UVSSA: variants seen among roughly 807,000 people sequenced by gnomAD.
UVSSA encodes UV stimulated scaffold protein A.
A neutral mutation model predicts 73.9 loss-of-function variants in UVSSA; 72 were observed. The observed-to-expected ratio is 0.97, with a 90% confidence interval of 0.81 to 1.19. The LOEUF (loss-of-function observed/expected upper bound fraction) is 1.19, where lower values mean the gene tolerates loss of function less well. Among genes scored for constraint, UVSSA ranks in the 50% most tolerant of loss-of-function variants. UVSSA has a pLI of 0.00. For synonymous variants in UVSSA, 454 were observed against 391.3 expected, an observed-to-expected ratio of 1.16 and a Z score of -1.89; for missense variants, 1,150 against 965.0, an observed-to-expected ratio of 1.19 and a Z score of -2.54.
chr4:1,344,274 G>C (rs532701494), upstream of UVSSA, among the ~76,000 whole-genome samples: 1 of 152,238 alleles, frequency 6.6e-6, no homozygotes, highest in Admixed American at 6.5e-5. Flanking sequence ...TTCTTGGCTT[G>C]GTGCAGTGGC....
intron 4 of UVSSA, among the ~76,000 whole-genome samples, 180 bp from the exon 5 acceptor site, chr4:1,352,850 C>T (rs570186202): frequency 4.3e-4 from 66 of 152,338 alleles, no homozygotes; most frequent in African/African-American, 1.4e-3. Context: ...GAGGCTGAGG[C>T]GGCTGCACTA....
intron 7 of UVSSA, among the ~76,000 whole-genome samples, chr4:1,363,116 G>GC (rs56194411): frequency 0.51 from 77,791 of 151,644 alleles, 20,654 homozygotes; most frequent in African/African-American, 0.58. Flanking sequence ...GGTTTGAGGG[G>GC]TACCACGGCC....
rs1476210511 is a variant in UVSSA at position 1,387,279 on chromosome 4, T to C, written c.*1318T>C. The C allele has an allele frequency of 6.6e-6, 1 of 152,190 alleles. No individual in the cohort carries two copies. The highest frequency in any genetic ancestry group is 2.4e-5 in the African/African-American group (1 of 41,414). The allele number at this position is 152,190 out of a possible 1,614,324, so 9.4% of individuals were successfully genotyped here. The stretch of plus-strand genomic sequence containing the variant: ...TTTTAGTAGAGACGGGATTTCACTG[T>C]GTTGGCTGGGATGGTCTTGATCTCT... On this transcript the variant is annotated 3_prime_UTR_variant, in exon 14 of 14. Transcript: ENST00000389851.
chr4:1,375,147 AC>A (rs1288196738), intron 8 of UVSSA: 25 of 669,200 alleles, frequency 3.7e-5, no homozygotes, highest in Non-Finnish European at 3.8e-5. Flanking sequence ...GGACTGCCGG[AC>A]CCCCCGACGC....
exon 14 of UVSSA, chr4:1,395,812 A>G: frequency 1.2e-6 from 2 of 1,614,202 alleles, no homozygotes; most frequent in South Asian, 1.1e-5. Context: ...TTTTATGTCA[A>G]GGATCCCTTT....
At chr4:1,373,247 G>T (rs538805587) in intron 8 of UVSSA, among the ~76,000 whole-genome samples, 1 of 152,304 alleles carries the variant, frequency 6.6e-6, no homozygotes, top group South Asian at 2.1e-4. Flanking sequence ...CTAGGCTGAG[G>T]ATCAAGGAGA....
intron 13 of UVSSA, chr4:1,385,443 TC>T (rs1214413508): frequency 4.7e-6 from 1 of 213,558 alleles, no homozygotes; most frequent in Admixed American, 5.2e-5. Context: ...CCTCCAGGTT[TC>T]CAGCCCTGGC....
At chr4:1,384,110 C>A in intron 13 of UVSSA, 170 bp downstream of exon 13, 1 of 828,982 alleles carries the variant, frequency 1.2e-6, no homozygotes, top group Non-Finnish European at 1.8e-6. Context: ...AGGGGCAGTG[C>A]CAGCCAGCAG....
At chr4:1,379,522 C>T (rs1014816800) in intron 10 of UVSSA, among the ~76,000 whole-genome samples, 2 of 152,236 alleles carry the variant, frequency 1.3e-5, no homozygotes, top group Non-Finnish European at 2.9e-5. Flanking sequence ...GCAGTGGAGT[C>T]TGGTCTCCAG....
intron 8 of UVSSA, among the ~76,000 whole-genome samples, chr4:1,369,848 T>G (rs1717806077): frequency 6.6e-6 from 1 of 152,070 alleles, no homozygotes; most frequent in African/African-American, 2.4e-5. Flanking sequence ...ACTGTGGGAG[T>G]GAATTTGAGC....
chr4:1,356,001 C>T (rs1055329971), intron 7 of UVSSA, among the ~76,000 whole-genome samples: 18 of 152,106 alleles, frequency 1.2e-4, no homozygotes, highest in Non-Finnish European at 4.4e-5. Flanking sequence ...CAGACGTCCT[C>T]GGCAGCACCC....
In UVSSA at chr4:1,349,675, C is replaced by G; in HGVS notation, c.250C>G (p.Gln84Glu). The part of the protein sequence containing the change: ...QFRMLVVSNF[Q>E]EFLELTLGTD... ...CCGGATGCTGGTTGTTTCCAACTTC[C>G]AGGAGTTCCTGGAGCTCACGCTGGG... Residue 84 changes from glutamine (Q) to glutamate (E), a missense_variant, in exon 3 of 14, where the codon CAG (glutamine) becomes GAG (glutamate). Gln to Glu is a conservative substitution (Grantham distance 29). Coordinates refer to ENST00000389851, the MANE Select transcript of UVSSA (RefSeq NM_020894.4). 1 of 1,614,000 alleles carries G rather than the reference C, an allele frequency of 6.2e-7. No individual in the cohort carries two copies. The highest frequency in any genetic ancestry group is 8.5e-7 in the Non-Finnish European group (1 of 1,179,982).
At chr4:1,353,982 G>GC (rs1179965666) in intron 5 of UVSSA, among the ~76,000 whole-genome samples, 2 of 152,236 alleles carry the variant, frequency 1.3e-5, no homozygotes, top group Admixed American at 6.5e-5. Flanking sequence ...GCCCCCTGCT[G>GC]CCCCCCTGGG....
At chr4:1,354,926 G>A in intron 6 of UVSSA, 79 bp downstream of exon 6, 3 of 1,536,700 alleles carry the variant, frequency 2.0e-6, no homozygotes, top group Non-Finnish European at 2.6e-6. Flanking sequence ...TTTCTTGGGG[G>A]GACTGTGGCC....
intron 7 of UVSSA, chr4:1,356,500 G>C (rs1715787342): frequency 6.6e-6 from 1 of 152,278 alleles, no homozygotes; most frequent in Admixed American, 6.5e-5. Context: ...GTTTGTGGGT[G>C]CTGGTCAACA....
chr4:1,353,718 G>A (rs953089672), intron 5 of UVSSA, among the ~76,000 whole-genome samples: 12 of 152,154 alleles, frequency 7.9e-5, no homozygotes, highest in South Asian at 2.1e-4. Context: ...AGGCTGTTGC[G>A]GTCCTCAAAG....
intron 8 of UVSSA, among the ~76,000 whole-genome samples, chr4:1,374,503 C>T (rs553890779): frequency 2.6e-5 from 4 of 152,290 alleles, no homozygotes; most frequent in African/African-American, 7.2e-5. Context: ...TGTCCTGGTC[C>T]GGGGACCCTG....
chr4:1,380,192 C>G lies in UVSSA; in HGVS notation c.1714C>G (p.Pro572Ala). 6.2e-7 allele frequency: 1 copy of G among 1,612,792 alleles called. No individual in the cohort carries two copies. The highest frequency in any genetic ancestry group is 1.1e-5 in the South Asian group (1 of 91,070). ...PVQHWCRAPR[P>A]DGRLCERQDR... ...GCAGCACTGGTGCCGTGCCCCGAGG[C>G]CAGACGGCCGGCTCTGTGAGCGCCA... The change falls in exon 11 of 14, where the codon CCA (proline) becomes GCA (alanine). Residue 572 changes from proline to alanine, a missense_variant. Pro to Ala is a conservative substitution (Grantham distance 27, BLOSUM62 -1). Coordinates refer to ENST00000389851, the MANE Select transcript of UVSSA (RefSeq NM_020894.4).
At chr4:1,384,922 T>C (rs1239187432) in intron 13 of UVSSA, 1 of 152,306 alleles carries the variant, frequency 6.6e-6, no homozygotes, top group South Asian at 2.1e-4. Context: ...GGGGCGCTGG[T>C]GGGGGCTGTG....
Sources: allele counts gnomAD v4.1 joint callset (sites outside exome capture counted in the v4.1 genomes callset), GRCh38; gene constraint gnomAD v4.1.1; transcripts MANE v1.5; gene names NCBI Gene and HGNC (gene_info 2026-07-23, HGNC 2026-07-21).